Variants in SGPP2 observed in about 807,000 individuals in gnomAD.
SGPP2 encodes sphingosine 1-phosphate phosphohydrolase 2.
SGPP2 carries 30 observed loss-of-function variants against 33.9 expected under a neutral mutation model. The ratio of observed to expected loss-of-function variants is 0.89; its 90% CI spans 0.66 to 1.20. The LOEUF (loss-of-function observed/expected upper bound fraction) is 1.20, where lower values mean the gene tolerates loss of function less well. SGPP2 is among the 50% of genes most tolerant of loss of function. The probability of loss-of-function intolerance (pLI) is 0.00; values close to 1 mark genes in which losing one functional copy is unlikely to be tolerated. For synonymous variants in SGPP2, 233 were observed against 225.0 expected (o/e 1.04, Z -0.32); for missense variants, 458 against 532.1 (o/e 0.86, Z 1.37).
At chr2:222,435,354 T>A (rs969459883) in intron 1 of SGPP2, among the ~76,000 whole-genome samples, 4 of 152,202 alleles carry the variant, frequency 2.6e-5, no homozygotes, top group African/African-American at 9.6e-5. Flanking sequence ...TAAGAGTGAG[T>A]CTGCCTTTCC....
intron 4 of SGPP2, among the ~76,000 whole-genome samples, chr2:222,548,353 C>T (rs1276674340): frequency 6.6e-6 from 1 of 152,230 alleles, no homozygotes; most frequent in Non-Finnish European, 1.5e-5. Flanking sequence ...TTTAAATATG[C>T]TCACTTTCCA....
At chr2:222,536,696 AT>A (rs1698920900) in intron 4 of SGPP2, among the ~76,000 whole-genome samples, 3 of 152,214 alleles carry the variant, frequency 2.0e-5, no homozygotes, top group African/African-American at 7.2e-5. Context: ...AAATAAAAAA[AT>A]AAAATAAAAT....
At chr2:222,529,483 C>T (rs575541407) in intron 4 of SGPP2, among the ~76,000 whole-genome samples, 11 of 152,204 alleles carry the variant, frequency 7.2e-5, no homozygotes, top group African/African-American at 1.4e-4. Context: ...TACAGGCATG[C>T]GCTGCCACAC....
At chr2:222,472,884 C>T (rs900813220) in intron 1 of SGPP2, among the ~76,000 whole-genome samples, 3 of 152,142 alleles carry the variant, frequency 2.0e-5, no homozygotes, top group Non-Finnish European at 4.4e-5. Context: ...CATGGTGGTG[C>T]ACTTCTGTAG....
chr2:222,560,770 CTG>C lies in SGPP2; in HGVS notation c.*1874_*1875del, dbSNP rs1689522440. On this transcript the variant is annotated 3_prime_UTR_variant, in exon 5 of 5. Transcript: ENST00000321276. ...ATTTCAAATATGTTCTACGGCCTTACTGTTGGGATGATATTTAGTATGTAACT... is the reference window on the plus strand; with the variant it reads ...ATTTCAAATATGTTCTACGGCCTTACTTGGGATGATATTTAGTATGTAACT... 1 of 152,168 alleles carries C rather than the reference CTG, an allele frequency of 6.6e-6. No homozygotes were observed. Among genetic ancestry groups the C allele is most frequent in the African/African-American group, 2.4e-5 (1 of 41,426 alleles). The allele number at this position is 152,168 out of a possible 1,614,324, so 9.4% of individuals were successfully genotyped here. A position where few individuals can be genotyped will look rare whatever the true frequency, so the allele number is the denominator to read the frequency against.
intron 2 of SGPP2, among the ~76,000 whole-genome samples, chr2:222,506,513 C>T (rs1698448016): frequency 6.6e-6 from 1 of 152,170 alleles, no homozygotes; most frequent in South Asian, 2.1e-4. Context: ...AATGTATTTT[C>T]TCTTTTTTAT....
chr2:222,437,410 C>G (rs1212621861), intron 1 of SGPP2, among the ~76,000 whole-genome samples: 1 of 152,356 alleles, frequency 6.6e-6, no homozygotes, highest in East Asian at 1.9e-4. Flanking sequence ...AGTGCTGCAG[C>G]TGTCCACTTT....
At chr2:222,558,166 T>A (rs936205967) in intron 4 of SGPP2, among the ~76,000 whole-genome samples, 181 bp from the exon 5 acceptor site, 4 of 152,222 alleles carry the variant, frequency 2.6e-5, no homozygotes, top group Non-Finnish European at 4.4e-5. Flanking sequence ...GTTGGAAGCA[T>A]TTTTTCGTAT....
At chr2:222,484,509 T>C (rs185618108) in intron 2 of SGPP2, among the ~76,000 whole-genome samples, 3 of 152,366 alleles carry the variant, frequency 2.0e-5, no homozygotes. Context: ...TTGGATCTGC[T>C]AAAGTGATGC....
intron 4 of SGPP2, among the ~76,000 whole-genome samples, chr2:222,544,743 A>G (rs1465891009): frequency 6.6e-6 from 1 of 152,182 alleles, no homozygotes; most frequent in African/African-American, 2.4e-5. Context: ...AGGGCCAACT[A>G]TAATATAGCT....
chr2:222,425,274 G>A (rs1210634849), intron 1 of SGPP2, among the ~76,000 whole-genome samples: 2 of 151,546 alleles, frequency 1.3e-5, no homozygotes, highest in Admixed American at 6.6e-5. Flanking sequence ...GGCTCAGCGC[G>A]CTCCTCACCG....
chr2:222,436,733 TA>T (rs1439730882), intron 1 of SGPP2, among the ~76,000 whole-genome samples: 3 of 152,216 alleles, frequency 2.0e-5, no homozygotes, highest in Non-Finnish European at 4.4e-5. Context: ...GGCAAACTGA[TA>T]TCCAGAGTAG....
intron 2 of SGPP2, among the ~76,000 whole-genome samples, chr2:222,497,182 GC>G (rs1186946335): frequency 1.3e-5 from 2 of 151,612 alleles, no homozygotes; most frequent in African/African-American, 4.9e-5. Context: ...TTCCTGAACT[GC>G]TCAGGAGTCT....
At chr2:222,503,753 G>A in intron 2 of SGPP2, 1 of 152,120 alleles carries the variant, frequency 6.6e-6, no homozygotes, top group East Asian at 1.9e-4. Flanking sequence ...GATGGGACCT[G>A]TATAGAGAGA....
intron 4 of SGPP2, among the ~76,000 whole-genome samples, chr2:222,534,367 C>A (rs763335666): frequency 6.6e-6 from 1 of 152,198 alleles, no homozygotes; most frequent in Non-Finnish European, 1.5e-5. Flanking sequence ...CCTGACCTAG[C>A]TGAAATGCTG....
chr2:222,514,282 T>C (rs957368491), intron 2 of SGPP2, among the ~76,000 whole-genome samples: 51 of 152,240 alleles, frequency 3.3e-4, no homozygotes, highest in African/African-American at 1.1e-3. Context: ...AGTGTTGAAG[T>C]CTCAAATACA....
At chr2:222,514,069 G>T (rs1265737825) in intron 2 of SGPP2, among the ~76,000 whole-genome samples, 1 of 152,030 alleles carries the variant, frequency 6.6e-6, no homozygotes, top group East Asian at 1.9e-4. Flanking sequence ...AAAATTCATA[G>T]ATAATATGAC....
chr2:222,554,671 G>C (rs1471233817), intron 4 of SGPP2, among the ~76,000 whole-genome samples: 2 of 152,126 alleles, frequency 1.3e-5, no homozygotes, highest in Non-Finnish European at 2.9e-5. Context: ...ATCTCTGTCA[G>C]CAGGGACAGG....
intron 1 of SGPP2, 107 bp downstream of exon 1, chr2:222,424,928 C>G: frequency 5.4e-6 from 5 of 928,130 alleles, no homozygotes; most frequent in Non-Finnish European, 7.1e-6. Context: ...GGGCGCCGTC[C>G]CCGGCAGTGA....
Sources: gnomAD v4.1 joint callset for allele counts (sites outside exome capture counted in the v4.1 genomes callset) on GRCh38, gnomAD v4.1.1 for gene constraint, MANE v1.5 for transcripts, NCBI Gene and HGNC (gene_info 2026-07-23, HGNC 2026-07-21) for gene names.